The following H3-3A variants were observed in gnomAD, a reference collection of about 807,000 sequenced individuals.
The protein encoded by H3-3A is histone H3.3.
For missense variants in H3-3A, 7 were observed against 184.0 expected, an observed-to-expected ratio of 0.04 and a Z score of 5.57; for synonymous variants, 49 against 61.4, an observed-to-expected ratio of 0.80 and a Z score of 0.95.
intron 1 of H3-3A, among the ~76,000 whole-genome samples, chr1:226,063,411 T>C (rs545307384): frequency 1.6e-5 from 2 of 123,808 alleles, no homozygotes; most frequent in East Asian, 2.5e-4. Flanking sequence ...TTGATGCATT[T>C]GAAATGCAAA....
At chr1:226,069,755 C>T (rs560010815) in intron 3 of H3-3A, among the ~76,000 whole-genome samples, 114 of 151,992 alleles carry the variant, frequency 7.5e-4, no homozygotes, top group Non-Finnish European at 1.5e-3. Context: ...TGCCTGAGCT[C>T]GGGAGGTGGA....
chr1:226,067,820 T>G (rs938122661), intron 3 of H3-3A, among the ~76,000 whole-genome samples: 1 of 151,762 alleles, frequency 6.6e-6, no homozygotes, highest in African/African-American at 2.4e-5. Flanking sequence ...GAAGTAGAAA[T>G]CCAAAGGTCC....
At chr1:226,066,673 C>A (rs1657935712) in intron 3 of H3-3A, 1 of 152,234 alleles carries the variant, frequency 6.6e-6, no homozygotes, top group Non-Finnish European at 1.5e-5. Flanking sequence ...AAGCTACCAC[C>A]TCCATCAGAA....
At chr1:226,069,049 CTTT>C (rs71574557) in intron 3 of H3-3A, among the ~76,000 whole-genome samples, 7 of 141,606 alleles carry the variant, frequency 4.9e-5, no homozygotes, top group Non-Finnish European at 6.2e-5. Context: ...GTGAAAGTAC[CTTT>C]TTTTTTTTTT....
rs1658148556 is a variant in H3-3A at position 226,072,015 on chromosome 1, C to CT, written c.*539dup. ...ACATTAAACTATACCTGCTTTTGGT[C>CT]TTTATTATAGCCTTGCCCTACAATT... On this transcript the variant is annotated 3_prime_UTR_variant, in exon 4 of 4. Transcript: ENST00000366815. 4.7e-6 allele frequency: 1 copy of CT among 212,112 alleles called. No homozygotes were observed. Among genetic ancestry groups the CT allele is most frequent in the East Asian group, 7.1e-5 (1 of 14,034 alleles). The allele number at this position is 212,112 out of a possible 1,614,324, so 13.1% of individuals were successfully genotyped here.
intron 3 of H3-3A, chr1:226,066,909 A>G (rs1657943247): frequency 6.6e-6 from 1 of 152,110 alleles, no homozygotes. Context: ...GTTAATCTAA[A>G]CTTCATTTGA....
At chr1:226,064,502 T>A (rs376524805) in intron 2 of H3-3A, 23 bp downstream of exon 2, 46 of 1,595,810 alleles carry the variant, frequency 2.9e-5, no homozygotes, top group Non-Finnish European at 3.8e-5. Flanking sequence ...AGGAAAAAAA[T>A]GGGACAAAGT....
rs556728175 is a variant in H3-3A, at chr1:226,070,933, C to T, written c.283-418C>T. Among the ~76,000 whole-genome samples the T allele has an allele frequency of 6.2e-4, 94 of 152,298 alleles. No individual in the cohort carries two copies. In the Middle Eastern group the frequency reaches 0.01, roughly 17 times the overall value. On this transcript the variant is annotated intron_variant, in intron 3 of 3. Coordinates refer to ENST00000366815, the MANE Select transcript of H3-3A (RefSeq NM_002107.7). ...ACTGGACAAGGCAGAGGTTCACATA[C>T]TGTGTGAATGGGATTCAGAGTGAGG...
intron 3 of H3-3A, among the ~76,000 whole-genome samples, chr1:226,070,356 G>T (rs550853169): frequency 1.3e-5 from 2 of 151,732 alleles, no homozygotes; most frequent in Non-Finnish European, 2.9e-5. Flanking sequence ...CCTGTAGCCC[G>T]AGCTACTCGG....
intron 3 of H3-3A, chr1:226,066,179 C>A: frequency 3.1e-6 from 1 of 327,286 alleles, no homozygotes; most frequent in South Asian, 8.4e-5. Flanking sequence ...TTTCAAACAA[C>A]AGTGCCTAGA....
intron 3 of H3-3A, among the ~76,000 whole-genome samples, chr1:226,068,537 G>T (rs1438323313): frequency 6.6e-6 from 1 of 152,130 alleles, no homozygotes; most frequent in Non-Finnish European, 1.5e-5. Context: ...GAGCCCCTAA[G>T]GAGGCTACAA....
rs1658137132 is a variant in H3-3A, at chr1:226,071,770, ATAAAC to A, written c.*292_*296del. 1 of 222,504 alleles carries A rather than the reference ATAAAC, an allele frequency of 4.5e-6. No homozygotes were observed. 13.8% of individuals were successfully genotyped at this position (222,504 alleles called of 1,614,324 possible). A position where few individuals can be genotyped will look rare whatever the true frequency, so the allele number is the denominator to read the frequency against. ...CGGTTCAACTTTATAATAATTATAA[ATAAAC>A]CTGTTAAATTTTTCTGGACAATGCC... On this transcript the variant is annotated 3_prime_UTR_variant, in exon 4 of 4. Coordinates refer to ENST00000366815, the MANE Select transcript of H3-3A (RefSeq NM_002107.7).
intron 3 of H3-3A, among the ~76,000 whole-genome samples, chr1:226,068,770 G>A (rs945868841): frequency 6.6e-6 from 1 of 152,068 alleles, no homozygotes; most frequent in African/African-American, 2.4e-5. Flanking sequence ...GTAACTTAAG[G>A]GCACCAAAAA....
intron 3 of H3-3A, among the ~76,000 whole-genome samples, chr1:226,069,523 A>G (rs1558102780): frequency 1.3e-5 from 2 of 152,212 alleles, no homozygotes; most frequent in East Asian, 3.9e-4. Context: ...TAAAATGGTA[A>G]TTTCTCCATT....
chr1:226,064,088 C>G (rs1444534991), intron 1 of H3-3A: 1 of 301,290 alleles, frequency 3.3e-6, no homozygotes, highest in East Asian at 6.6e-5. Context: ...TGCCGTTTGT[C>G]GCTCAGAATT....
intron 3 of H3-3A, among the ~76,000 whole-genome samples, chr1:226,070,056 A>G (rs1198796677): frequency 6.6e-6 from 1 of 152,224 alleles, no homozygotes; most frequent in African/African-American, 2.4e-5. Flanking sequence ...TTACAGTCAA[A>G]TGGGAAAAAC....
At chr1:226,070,496 G>T (rs1476573307) in intron 3 of H3-3A, among the ~76,000 whole-genome samples, 1 of 140,742 alleles carries the variant, frequency 7.1e-6, no homozygotes, top group Non-Finnish European at 1.5e-5. Context: ...AGGAACTGCC[G>T]GGCGCGGTGG....
chr1:226,065,204 A>G (rs947589803), intron 2 of H3-3A, among the ~76,000 whole-genome samples: 1 of 152,202 alleles, frequency 6.6e-6, no homozygotes, highest in Admixed American at 6.6e-5. Context: ...GGGTAGAGGT[A>G]TTCTGGGAAA....
intron 3 of H3-3A, among the ~76,000 whole-genome samples, chr1:226,070,651 T>C (rs929601163): frequency 6.6e-6 from 1 of 151,722 alleles, no homozygotes; most frequent in African/African-American, 2.4e-5. Flanking sequence ...CGCATACCTG[T>C]AGTCCCAGCT....
Sources: gnomAD v4.1 joint callset for allele counts (sites outside exome capture counted in the v4.1 genomes callset) on GRCh38, gnomAD v4.1.1 for gene constraint, MANE v1.5 for transcripts, NCBI Gene and HGNC (gene_info 2026-07-23, HGNC 2026-07-21) for gene names.